Variants in PPEF2 observed in about 807,000 individuals in gnomAD.
PPEF2 encodes serine/threonine-protein phosphatase with EF-hands 2.
Under a neutral mutation model 84.7 loss-of-function variants are expected in PPEF2, and 84 were observed. The observed-to-expected ratio is 0.99, with a 90% CI of 0.83 to 1.19. The LOEUF (loss-of-function observed/expected upper bound fraction) is 1.19. Among genes scored for constraint, PPEF2 ranks in the 50% most tolerant of loss-of-function variants. The pLI is 0.00. For synonymous variants in PPEF2, 346 were observed against 345.2 expected (o/e 1.00, Z -0.03); for missense variants, 924 against 937.5 (o/e 0.99, Z 0.19).
At chr4:75,886,363 C>T (rs1013993064) in intron 7 of PPEF2, among the ~76,000 whole-genome samples, 1 of 152,320 alleles carries the variant, frequency 6.6e-6, no homozygotes, top group Admixed American at 6.5e-5. Context: ...GTCCCTCCTC[C>T]TGGGAAACCG....
intron 2 of PPEF2, 61 bp downstream of exon 2, chr4:75,896,210 T>C (rs1485447245): frequency 1.8e-5 from 28 of 1,560,994 alleles, no homozygotes; most frequent in Middle Eastern, 1.7e-4. Flanking sequence ...CCCCCAACCC[T>C]CTCCATGCAA....
At chr4:75,872,237 G>A (rs2149216800) in intron 12 of PPEF2, 70 bp from the exon 13 acceptor site, 2 of 1,436,240 alleles carry the variant, frequency 1.4e-6, no homozygotes, top group Non-Finnish European at 9.4e-7. Flanking sequence ...ATCCTATGTG[G>A]CCCAACTCAA....
chr4:75,860,762 G>A lies in PPEF2; in HGVS notation c.2167C>T (p.Leu723Phe), dbSNP rs1723978862. 7 of 1,614,124 alleles carry A rather than the reference G, an allele frequency of 4.3e-6. No individual in the cohort carries two copies. The highest frequency in any genetic ancestry group is 1.3e-5 in the African/African-American group (1 of 74,948). The part of the protein sequence containing the change: ...DINEFLEAFR[L>F]VEKSCPEGDA... Reference sequence around the variant, plus strand: ...CCCTCTGGGCAGGATTTCTCCACAAGGCGGAAGGCCTCCAGGAACTCATTG... The same window carrying A: ...CCCTCTGGGCAGGATTTCTCCACAAAGCGGAAGGCCTCCAGGAACTCATTG... Residue 723 changes from leucine to phenylalanine, a missense_variant, in exon 17 of 17, where the codon CTT (leucine) becomes TTT (phenylalanine). Transcript: ENST00000286719.
intron 7 of PPEF2, among the ~76,000 whole-genome samples, chr4:75,885,693 G>A (rs28453838): frequency 0.072 from 10,955 of 152,040 alleles, 530 homozygotes; most frequent in Middle Eastern, 0.13. Context: ...GCCAAACCCC[G>A]TCTCTATAAA....
In PPEF2 at chr4:75,866,184, G is replaced by A. The variant is rs535697561; in HGVS notation, c.1920+5C>T. On this transcript the variant is annotated splice_donor_5th_base_variant and intron_variant, in intron 15 of 16. Transcript: ENST00000286719. The stretch of plus-strand genomic sequence containing the variant: ...TGCTCTCATCCACCATTACCACACC[G>A]TTACCTCGCGACTCAGTTGTTCCTT... 88 of 1,607,888 alleles carry A rather than the reference G, an allele frequency of 5.5e-5. No homozygotes were observed. In the South Asian group the frequency reaches 5.6e-4, roughly 10 times the overall value.
rs1183272134 is a variant in PPEF2, at chr4:75,860,536, C to T, written c.*131G>A. On this transcript the variant is annotated 3_prime_UTR_variant, in exon 17 of 17. Coordinates refer to ENST00000286719, the MANE Select transcript of PPEF2 (RefSeq NM_006239.3). ...ACCCACCCCTCCACACTGAAATACA[C>T]AGGTGATTCTGATGCATATGGATAG... 1.7e-6 allele frequency: 2 copies of T among 1,195,078 alleles called. No homozygotes were observed. The highest frequency in any genetic ancestry group is 2.3e-6 in the Non-Finnish European group (2 of 857,654). 74.0% of individuals were successfully genotyped at this position (1,195,078 alleles called of 1,614,324 possible).
intron 1 of PPEF2, among the ~76,000 whole-genome samples, chr4:75,896,902 G>T (rs1172459598): frequency 6.6e-6 from 1 of 151,458 alleles, no homozygotes; most frequent in Non-Finnish European, 1.5e-5. Flanking sequence ...TCTTTTTTGA[G>T]ACAGAGTCTT....
rs559012326 is a variant in PPEF2, at chr4:75,885,578, T to C, written c.580-818A>G. Among the ~76,000 whole-genome samples, 8 of 152,338 alleles carry C rather than the reference T, an allele frequency of 5.3e-5. No individual in the cohort carries two copies. The East Asian group carries it at 1.5e-3, about 29-fold the overall frequency. ...GTAGCAAATATTATTAAAAATAATA[T>C]CTTAGGCTGGGCACAGTGGCTCACG... On this transcript the variant is annotated intron_variant, in intron 7 of 16. Transcript: ENST00000286719.
rs779976554 is a variant in PPEF2 at position 75,883,079 on chromosome 4, G to GA, written c.784-5dup. On this transcript the variant is annotated splice_region_variant and splice_polypyrimidine_tract_variant and intron_variant, in intron 9 of 16. Coordinates refer to ENST00000286719, the MANE Select transcript of PPEF2 (RefSeq NM_006239.3). ...TTAGTATTTCCTTCCCGTGTACCTG[G>GA]AAAAAATGATATAAACAAAATGTTA... The GA allele has an allele frequency of 1.2e-6, 2 of 1,613,330 alleles. No homozygotes were observed. Among genetic ancestry groups the GA allele is most frequent in the East Asian group, 4.5e-5 (2 of 44,874 alleles).
rs151082105 is a variant in PPEF2, at chr4:75,872,042, T to C, written c.1632A>G (p.Thr544=). The C allele has an allele frequency of 5.0e-5, 80 of 1,610,624 alleles. No homozygotes were observed. The highest frequency in any genetic ancestry group is 6.4e-5 in the Non-Finnish European group (75 of 1,179,074). ...VQYQANKVTH[T]LTMRQRISRV... is the part of the protein sequence containing the mutation. Reference sequence around the variant, plus strand: ...AGTCTTGCCTTTGCCTCATGGTGAGTGTGTGGGTCACCTTGTTAGCTTGAT... The same window carrying C: ...AGTCTTGCCTTTGCCTCATGGTGAGCGTGTGGGTCACCTTGTTAGCTTGAT... Residue 544 remains threonine (T), a synonymous_variant, in exon 13 of 17, where the codon ACA becomes ACG. Coordinates refer to ENST00000286719, the MANE Select transcript of PPEF2 (RefSeq NM_006239.3).
chr4:75,880,874 A>G (rs1724553077), intron 10 of PPEF2, among the ~76,000 whole-genome samples: 1 of 146,132 alleles, frequency 6.8e-6, no homozygotes, highest in African/African-American at 2.5e-5. Flanking sequence ...ATCTTGGCTC[A>G]CTGCAGTCTC....
Position 75,890,128 on chromosome 4 carries a change from G to T in PPEF2, c.246C>A (p.Asp82Glu). 2 of 1,613,882 alleles carry T rather than the reference G, an allele frequency of 1.2e-6. No individual in the cohort carries two copies. The change falls in exon 5 of 17, where the codon GAC (aspartate) becomes GAA (glutamate). Residue 82 changes from aspartate (D) to glutamate (E), a missense_variant. Transcript: ENST00000286719. ...CCTCAGTGAATATGCGGGTCAGGAA[G>T]TCCCCTAGTCCAGATAGAAAAGGTG... ...HFIPSSHNDR[D>E]FLTRIFTEDR...
Position 75,891,993 on chromosome 4 carries a change from G to C in PPEF2, c.56-15C>G. ...TGCCTTGAAGGCTATGACACCGATG[G>C]AGAAGCAAGCCTGTGAGCTCGGACT... On this transcript the variant is annotated splice_polypyrimidine_tract_variant and intron_variant, in intron 2 of 16. Coordinates refer to ENST00000286719, the MANE Select transcript of PPEF2 (RefSeq NM_006239.3). 6.2e-7 allele frequency: 1 copy of C among 1,609,612 alleles called. No homozygotes were observed. Among genetic ancestry groups the C allele is most frequent in the Non-Finnish European group, 8.5e-7 (1 of 1,176,344 alleles).
At position 75,864,352 on chromosome 4, in the gene PPEF2, GAAT is replaced by G; in HGVS notation, c.2008+85_2008+87del. On this transcript the variant is annotated intron_variant, in intron 16 of 16. Transcript: ENST00000286719. ...GCTCTCCAAATGCCTGAGTGGAGAT[GAAT>G]GAGGATGAATCAGGAAGGAGATTAA... 3 of 1,014,014 alleles carry G rather than the reference GAAT, an allele frequency of 3.0e-6. No individual in the cohort carries two copies. The South Asian group carries it at 4.1e-5, about 14-fold the overall frequency. The allele number at this position is 1,014,014 out of a possible 1,614,324, so 62.8% of individuals were successfully genotyped here.
At chr4:75,899,781 A>G (rs1980093) in intron 1 of PPEF2, among the ~76,000 whole-genome samples, 79,202 of 151,868 alleles carry the variant, frequency 0.52, 22,419 homozygotes, top group East Asian at 0.97. Flanking sequence ...TGTCCAAACC[A>G]ACAAAACTGC....
chr4:75,873,894 G>A (rs1307157032), intron 11 of PPEF2, among the ~76,000 whole-genome samples: 1 of 151,690 alleles, frequency 6.6e-6, no homozygotes, highest in Non-Finnish European at 1.5e-5. Flanking sequence ...ACCATTTGAG[G>A]TCAGGAGTTC....
chr4:75,879,895 T>C (rs1724521564), intron 10 of PPEF2, among the ~76,000 whole-genome samples: 1 of 152,028 alleles, frequency 6.6e-6, no homozygotes, highest in Admixed American at 6.6e-5. Flanking sequence ...AGTGGTGCGA[T>C]CTCGGCTTGC....
At position 75,863,408 on chromosome 4, in the gene PPEF2, G is replaced by A. The variant is rs539091202; in HGVS notation, c.2008+1032C>T. On this transcript the variant is annotated intron_variant, in intron 16 of 16. Transcript: ENST00000286719. Reference sequence around the variant, plus strand: ...CTAGCTACTCAGGAGGCTGAGGCAGGAGAATCACTTGAACCCGGGAGGTGG... The same window carrying A: ...CTAGCTACTCAGGAGGCTGAGGCAGAAGAATCACTTGAACCCGGGAGGTGG... Among the ~76,000 whole-genome samples, 4 of 151,312 alleles carry A rather than the reference G, an allele frequency of 2.6e-5. No individual in the cohort carries two copies. In the South Asian group the frequency reaches 8.3e-4, roughly 32 times the overall value.
intron 16 of PPEF2, among the ~76,000 whole-genome samples, chr4:75,862,306 A>G: frequency 6.9e-6 from 1 of 145,534 alleles, no homozygotes; most frequent in Non-Finnish European, 1.5e-5. Flanking sequence ...AAAAAAAAAA[A>G]AAAAAAAAAA....
Sources: gnomAD v4.1 joint callset for allele counts (sites outside exome capture counted in the v4.1 genomes callset) on GRCh38, gnomAD v4.1.1 for gene constraint, MANE v1.5 for transcripts, NCBI Gene and HGNC (gene_info 2026-07-23, HGNC 2026-07-21) for gene names.